Variants in ZNF277 observed in about 807,000 individuals in gnomAD.
The protein encoded by ZNF277 is zinc finger protein 277.
In ZNF277, 55 loss-of-function variants were observed where a neutral mutation model predicts 60.7. The observed-to-expected ratio is 0.91, with a 90% CI of 0.73 to 1.13. The LOEUF is 1.13. Among genes scored for constraint, ZNF277 ranks in the 50% most tolerant of loss-of-function variants. The pLI is 0.00. For synonymous variants in ZNF277, 178 were observed against 179.3 expected, an observed-to-expected ratio of 0.99 and a Z score of 0.06; for missense variants, 510 against 523.0, an observed-to-expected ratio of 0.98 and a Z score of 0.24.
chr7:112,224,559 G>A (rs1487933779), intron 1 of ZNF277, among the ~76,000 whole-genome samples: 1 of 152,212 alleles, frequency 6.6e-6, no homozygotes, highest in Non-Finnish European at 1.5e-5. Context: ...GGGGATTCCT[G>A]CTGAAGGCAG....
At chr7:112,300,028 T>G (rs1311128892) in intron 4 of ZNF277, among the ~76,000 whole-genome samples, 1 of 152,180 alleles carries the variant, frequency 6.6e-6, no homozygotes, top group Non-Finnish European at 1.5e-5. Flanking sequence ...TCCTTCCTAG[T>G]CCTCCCTATA....
At chr7:112,328,925 G>A (rs1252570436) in intron 6 of ZNF277, among the ~76,000 whole-genome samples, 1 of 152,066 alleles carries the variant, frequency 6.6e-6, no homozygotes, top group Non-Finnish European at 1.5e-5. Flanking sequence ...TTAATTATAA[G>A]AAATTTTTAA....
chr7:112,264,380 T>A (rs1266025559), intron 1 of ZNF277, among the ~76,000 whole-genome samples: 1 of 152,142 alleles, frequency 6.6e-6, no homozygotes, highest in Admixed American at 6.6e-5. Flanking sequence ...ATAATTTGTC[T>A]CAAGAAAATT....
intron 1 of ZNF277, among the ~76,000 whole-genome samples, chr7:112,267,840 T>G (rs934549385): frequency 3.3e-5 from 5 of 152,082 alleles, no homozygotes; most frequent in Non-Finnish European, 5.9e-5. Flanking sequence ...ATAGCAGGGG[T>G]GGCAGCTTGC....
intron 1 of ZNF277, among the ~76,000 whole-genome samples, chr7:112,269,496 A>G (rs1791622589): frequency 1.3e-5 from 2 of 152,178 alleles, no homozygotes; most frequent in African/African-American, 4.8e-5. Context: ...CTGGAACTGT[A>G]TCAGGGAGGT....
At chr7:112,223,077 G>A (rs910231128) in intron 1 of ZNF277, among the ~76,000 whole-genome samples, 10 of 152,184 alleles carry the variant, frequency 6.6e-5, no homozygotes, top group African/African-American at 2.4e-4. Context: ...GTGGGACCTT[G>A]TGATTGTGTG....
Position 112,237,314 on chromosome 7 carries a change from C to T in ZNF277, c.91+30507C>T, listed in dbSNP as rs1440697246. On this transcript the variant is annotated intron_variant, in intron 1 of 11. Transcript: ENST00000361822. ...TAACCTAATGTTGCACTTAAAGGAA[C>T]CACAAAAACAAGAATAAACTGAACC... Among the ~76,000 whole-genome samples, 4 of 151,640 alleles carry T rather than the reference C, an allele frequency of 2.6e-5. No individual in the cohort carries two copies. In the East Asian group the frequency reaches 5.8e-4, roughly 22 times the overall value.
chr7:112,272,390 A>C (rs1261824626), intron 1 of ZNF277, among the ~76,000 whole-genome samples: 2 of 148,600 alleles, frequency 1.3e-5, no homozygotes, highest in African/African-American at 5.0e-5. Context: ...CAAACAGCAG[A>C]TATCTCTTCA....
At chr7:112,240,959 G>GT (rs2116993265) in intron 1 of ZNF277, among the ~76,000 whole-genome samples, 1 of 152,094 alleles carries the variant, frequency 6.6e-6, no homozygotes, top group African/African-American at 2.4e-5. Flanking sequence ...GATTTTTTTA[G>GT]TATATCCCAA....
At chr7:112,300,127 A>G (rs998821516) in intron 4 of ZNF277, among the ~76,000 whole-genome samples, 8 of 152,224 alleles carry the variant, frequency 5.3e-5, no homozygotes, top group Admixed American at 1.3e-4. Flanking sequence ...CTGGAGGTAT[A>G]TAGAGTTTAA....
At chr7:112,278,376 A>C (rs1371654232) in intron 1 of ZNF277, among the ~76,000 whole-genome samples, 2 of 152,128 alleles carry the variant, frequency 1.3e-5, no homozygotes, top group Non-Finnish European at 2.9e-5. Flanking sequence ...GGGGCCCTAG[A>C]GTGTTTATTT....
intron 1 of ZNF277, among the ~76,000 whole-genome samples, chr7:112,218,715 A>G (rs1821950106): frequency 6.6e-6 from 1 of 152,188 alleles, no homozygotes; most frequent in South Asian, 2.1e-4. Context: ...AAGATCACAC[A>G]GTATGTGTCT....
At chr7:112,334,631 AAAT>A (rs1554495972) in intron 7 of ZNF277, among the ~76,000 whole-genome samples, 1 of 152,168 alleles carries the variant, frequency 6.6e-6, no homozygotes, top group Non-Finnish European at 1.5e-5. Context: ...GGAAGTTGCA[AAAT>A]AATGCTTTGA....
At chr7:112,327,243 A>T (rs1439687051) in intron 5 of ZNF277, among the ~76,000 whole-genome samples, 1 of 152,214 alleles carries the variant, frequency 6.6e-6, no homozygotes, top group African/African-American at 2.4e-5. Context: ...GTTTTATCTC[A>T]GATCATCAGG....
rs367618830 is a variant in ZNF277, at chr7:112,206,697, C to A, written c.-20C>A. The A allele has an allele frequency of 1.9e-6, 3 of 1,611,960 alleles. No individual in the cohort carries two copies. Among genetic ancestry groups the A allele is most frequent in the Non-Finnish European group, 2.5e-6 (3 of 1,179,262 alleles). ...CCTCCGACCCGCCCTGCGGCCCTCC[C>A]TTTTCTTTTCTGCCGGGTAATGGCT... On this transcript the variant is annotated 5_prime_UTR_variant, in exon 1 of 12. Transcript: ENST00000361822.
At chr7:112,283,145 TG>T (rs1791984982) in intron 1 of ZNF277, among the ~76,000 whole-genome samples, 1 of 152,206 alleles carries the variant, frequency 6.6e-6, no homozygotes, top group Non-Finnish European at 1.5e-5. Context: ...ATATGATCAA[TG>T]CTGTTATAAT....
At chr7:112,233,216 A>G (rs1271571271) in intron 1 of ZNF277, among the ~76,000 whole-genome samples, 1 of 152,210 alleles carries the variant, frequency 6.6e-6, no homozygotes, top group Non-Finnish European at 1.5e-5. Context: ...TCAGATGCCC[A>G]GTAAATGTCA....
At chr7:112,229,528 C>G (rs1822267129) in intron 1 of ZNF277, among the ~76,000 whole-genome samples, 2 of 152,178 alleles carry the variant, frequency 1.3e-5, no homozygotes, top group Admixed American at 1.3e-4. Context: ...GGTCTTTGTT[C>G]TCCATGAGGC....
At chr7:112,296,380 G>GTTTTT in intron 4 of ZNF277, 69 bp downstream of exon 4, 2 of 547,246 alleles carry the variant, frequency 3.7e-6, no homozygotes, top group Non-Finnish European at 5.8e-6. Context: ...AATCATATTG[G>GTTTTT]TTTTTTTTTT....
Sources: allele counts gnomAD v4.1 joint callset (sites outside exome capture counted in the v4.1 genomes callset), GRCh38; gene constraint gnomAD v4.1.1; transcripts MANE v1.5; gene names NCBI Gene and HGNC (gene_info 2026-07-23, HGNC 2026-07-21).